Variants in AUTS2 observed in about 807,000 individuals in gnomAD.
AUTS2 encodes the protein autism susceptibility gene 2 protein.
AUTS2 carries 17 observed loss-of-function variants against 112.4 expected under a neutral mutation model. That is an observed-to-expected ratio of 0.15 (90% CI 0.10 to 0.23). The LOEUF is 0.23. Among genes scored for constraint, AUTS2 ranks in the 10% least tolerant of loss-of-function variants. AUTS2 has a pLI of 1.00. For missense variants in AUTS2, 1,510 were observed against 1,701.6 expected, an observed-to-expected ratio of 0.89 and a Z score of 1.98; for synonymous variants, 751 against 702.7, an observed-to-expected ratio of 1.07 and a Z score of -1.09.
intron 4 of AUTS2, among the ~76,000 whole-genome samples, chr7:70,266,727 G>A (rs1787444006): frequency 6.6e-6 from 1 of 151,992 alleles, no homozygotes; most frequent in African/African-American, 2.4e-5. Context: ...CAATAAAGCT[G>A]TTTAAAAAAA....
chr7:70,219,681 C>T (rs553470191), intron 4 of AUTS2, among the ~76,000 whole-genome samples: 82 of 151,766 alleles, frequency 5.4e-4, no homozygotes, highest in Admixed American at 1.1e-3. Context: ...AAGCGATTCT[C>T]CTACCGCAGC....
chr7:69,850,156 G>A (rs754815487), intron 1 of AUTS2, among the ~76,000 whole-genome samples: 12 of 151,378 alleles, frequency 7.9e-5, no homozygotes, highest in South Asian at 4.2e-4. Context: ...TAAATTAGCC[G>A]GGCGTAGTGG....
At chr7:69,676,209 A>G (rs1022510916) in intron 1 of AUTS2, among the ~76,000 whole-genome samples, 1 of 152,228 alleles carries the variant, frequency 6.6e-6, no homozygotes, top group Non-Finnish European at 1.5e-5. Context: ...GAATATTAGA[A>G]GGGAGATGAA....
intron 5 of AUTS2, among the ~76,000 whole-genome samples, chr7:70,554,034 T>C (rs1290958904): frequency 6.7e-5 from 10 of 148,342 alleles, no homozygotes; most frequent in Non-Finnish European, 1.5e-4. Flanking sequence ...CCTCCCAAAG[T>C]GCTGAGATTA....
At chr7:70,647,263 C>T (rs934788107) in intron 5 of AUTS2, among the ~76,000 whole-genome samples, 21 of 152,156 alleles carry the variant, frequency 1.4e-4, no homozygotes, top group Non-Finnish European at 2.4e-4. Flanking sequence ...ATCCACACAG[C>T]GAAAAACACT....
At chr7:70,676,855 C>T (rs774323965) in intron 5 of AUTS2, among the ~76,000 whole-genome samples, 4 of 151,204 alleles carry the variant, frequency 2.6e-5, no homozygotes, top group South Asian at 2.1e-4. Context: ...CCAGCCTGGG[C>T]GACAAGAGTG....
At chr7:70,122,120 G>T (rs1805712245) in intron 3 of AUTS2, among the ~76,000 whole-genome samples, 1 of 152,164 alleles carries the variant, frequency 6.6e-6, no homozygotes, top group South Asian at 2.1e-4. Flanking sequence ...CTTATAAGAG[G>T]TATCTAGAAT....
intron 1 of AUTS2, among the ~76,000 whole-genome samples, chr7:69,822,834 C>G (rs1039883525): frequency 6.6e-6 from 1 of 152,194 alleles, no homozygotes; most frequent in African/African-American, 2.4e-5. Flanking sequence ...TGAGATCATA[C>G]ATATGGCTGC....
intron 6 of AUTS2, among the ~76,000 whole-genome samples, chr7:70,760,037 A>G (rs1173577834): frequency 6.6e-6 from 1 of 150,788 alleles, no homozygotes; most frequent in African/African-American, 2.4e-5. Flanking sequence ...ACGGAGTCTC[A>G]CACTGTCGCC....
At chr7:69,793,023 C>A (rs1372751755) in intron 1 of AUTS2, among the ~76,000 whole-genome samples, 2 of 152,116 alleles carry the variant, frequency 1.3e-5, no homozygotes, top group South Asian at 4.1e-4. Flanking sequence ...CTTTTCCTAG[C>A]CCCTGGCTTC....
At chr7:69,846,014 T>A (rs1348721764) in intron 1 of AUTS2, among the ~76,000 whole-genome samples, 1 of 152,180 alleles carries the variant, frequency 6.6e-6, no homozygotes. Context: ...TGTTGCTTTA[T>A]GACAGGATGA....
At chr7:69,762,293 CTTTTTTTTTT>C (rs534032498) in intron 1 of AUTS2, among the ~76,000 whole-genome samples, 32 of 61,598 alleles carry the variant, frequency 5.2e-4, no homozygotes, top group African/African-American at 1.9e-4. Context: ...GCCAAGTTGT[CTTTTTTTTTT>C]TTTTTTTTTT....
At chr7:70,487,196 C>T (rs1217689749) in intron 5 of AUTS2, among the ~76,000 whole-genome samples, 3 of 152,092 alleles carry the variant, frequency 2.0e-5, no homozygotes, top group African/African-American at 7.2e-5. Flanking sequence ...CTTTTTCTGA[C>T]TCATCTACCT....
At chr7:69,948,627 T>C (rs1011675979) in intron 2 of AUTS2, among the ~76,000 whole-genome samples, 8 of 152,194 alleles carry the variant, frequency 5.3e-5, no homozygotes, top group African/African-American at 1.9e-4. Context: ...TCATCTGTGC[T>C]CTTATCCTAA....
intron 5 of AUTS2, among the ~76,000 whole-genome samples, chr7:70,560,893 A>G (rs2129523227): frequency 6.6e-6 from 1 of 152,362 alleles, no homozygotes; most frequent in African/African-American, 2.4e-5. Context: ...TGGCAAAATC[A>G]AGTAAAAGCA....
At chr7:69,906,465 T>C (rs1795152390) in intron 2 of AUTS2, among the ~76,000 whole-genome samples, 1 of 152,214 alleles carries the variant, frequency 6.6e-6, no homozygotes, top group Admixed American at 6.5e-5. Context: ...GATAGCCACA[T>C]GCTGCGTGAT....
chr7:69,778,860 T>A (rs1789014257), intron 1 of AUTS2, among the ~76,000 whole-genome samples: 1 of 152,028 alleles, frequency 6.6e-6, no homozygotes, highest in South Asian at 2.1e-4. Context: ...CTGATATAGA[T>A]GAGCTTGTGT....
chr7:70,207,174 G>C (rs1810615564), intron 4 of AUTS2, among the ~76,000 whole-genome samples: 2 of 152,182 alleles, frequency 1.3e-5, no homozygotes, highest in African/African-American at 4.8e-5. Context: ...GTGTGTTGAA[G>C]CAAGGGTTAC....
chr7:69,935,477 A>G (rs1584464998), intron 2 of AUTS2, among the ~76,000 whole-genome samples: 1 of 152,172 alleles, frequency 6.6e-6, no homozygotes, highest in East Asian at 1.9e-4. Context: ...AAGTGCTGAG[A>G]GTTGGAAAAG....
Sources: allele counts gnomAD v4.1 joint callset (sites outside exome capture counted in the v4.1 genomes callset), GRCh38; gene constraint gnomAD v4.1.1; transcripts MANE v1.5; gene names NCBI Gene and HGNC (gene_info 2026-07-23, HGNC 2026-07-21).